Variants in CLMN observed in about 807,000 individuals in gnomAD.
CLMN encodes calmin, also known as calmin (calponin-like, transmembrane).
A neutral mutation model predicts 92.7 loss-of-function variants in CLMN; 57 were observed. The observed-to-expected ratio is 0.61, with a 90% CI of 0.50 to 0.77. The LOEUF is 0.77. CLMN is among the 30% of genes least tolerant of loss of function. The pLI, the probability that CLMN is intolerant of heterozygous loss-of-function variation, is 0.00. For synonymous variants in CLMN, 466 were observed against 470.6 expected, an observed-to-expected ratio of 0.99 and a Z score of 0.13; for missense variants, 1,158 against 1,237.5, an observed-to-expected ratio of 0.94 and a Z score of 0.96.
At position 95,265,449 on chromosome 14, in the gene CLMN, C is replaced by T. The variant is rs939223233; in HGVS notation, c.83-35316G>A. On this transcript the variant is annotated intron_variant, in intron 1 of 12. Transcript: ENST00000298912. ...TGACCTACCTTACTGACTTTGATCT[C>T]GCCAAACTCCACAATTGCATAAACC... Among the ~76,000 whole-genome samples, 9 of 152,168 alleles carry T rather than the reference C, an allele frequency of 5.9e-5. 1 individual carries two copies. Among genetic ancestry groups the T allele is most frequent in the African/African-American group, 9.7e-5 (4 of 41,434 alleles).
rs5810715 is a variant in CLMN at position 95,204,467 on chromosome 14, C to CAA, written c.886-6_886-5dup. 1.3e-3 allele frequency: 1,780 copies of CAA among 1,376,206 alleles called. 1 individual carries two copies. Among genetic ancestry groups the CAA allele is most frequent in the African/African-American group, 0.012 (768 of 66,002 alleles). 85.2% of individuals were successfully genotyped at this position (1,376,206 alleles called of 1,614,324 possible). A position where few individuals can be genotyped will look rare whatever the true frequency, so the allele number is the denominator to read the frequency against. On this transcript the variant is annotated splice_region_variant and splice_polypyrimidine_tract_variant and intron_variant, in intron 8 of 12. Coordinates refer to ENST00000298912, the MANE Select transcript of CLMN (RefSeq NM_024734.4). Reference sequence around the variant, plus strand: ...TATCTGAATCGAAAATATCTTCCTGCAAAAAAAAACAAAAACAAACAAACA... The same window carrying CAA: ...TATCTGAATCGAAAATATCTTCCTGCAAAAAAAAAAACAAAAACAAACAAACA...
chr14:95,232,958 A>G (rs1054085187), intron 1 of CLMN, among the ~76,000 whole-genome samples: 2 of 152,188 alleles, frequency 1.3e-5, no homozygotes, highest in African/African-American at 4.8e-5. Flanking sequence ...ATATGAATAT[A>G]TTTCTTACCC....
chr14:95,313,607 T>C (rs1428740189), intron 1 of CLMN, among the ~76,000 whole-genome samples: 1 of 151,770 alleles, frequency 6.6e-6, no homozygotes, highest in Non-Finnish European at 1.5e-5. Flanking sequence ...CTCTAATTCC[T>C]TCTGTGACTA....
At chr14:95,300,093 C>T (rs748505513) in intron 1 of CLMN, among the ~76,000 whole-genome samples, 37 of 152,226 alleles carry the variant, frequency 2.4e-4, no homozygotes, top group Non-Finnish European at 3.8e-4. Flanking sequence ...AGCAGCCTCC[C>T]GTCTCCCACT....
intron 4 of CLMN, among the ~76,000 whole-genome samples, chr14:95,216,132 C>T (rs927836397): frequency 6.6e-6 from 1 of 152,126 alleles, no homozygotes; most frequent in Non-Finnish European, 1.5e-5. Context: ...GTTGGAGAGG[C>T]CTCACAATCA....
intron 1 of CLMN, among the ~76,000 whole-genome samples, chr14:95,279,884 A>G: frequency 6.6e-6 from 1 of 152,264 alleles, no homozygotes. Context: ...TATTGAGACG[A>G]CTAAAGAAAC....
chr14:95,191,559 A>G lies in CLMN; in HGVS notation c.*5T>C, dbSNP rs1340671413. 8.7e-6 allele frequency: 14 copies of G among 1,608,790 alleles called. No homozygotes were observed. Among genetic ancestry groups the G allele is most frequent in the Non-Finnish European group, 1.2e-5 (14 of 1,177,706 alleles). On this transcript the variant is annotated 3_prime_UTR_variant, in exon 13 of 13. Coordinates refer to ENST00000298912, the MANE Select transcript of CLMN (RefSeq NM_024734.4). The surrounding 1 kb of genome is among the most constrained non-coding windows in gnomAD (Gnocchi z 5.3). ...CCTGTCTTTTTTATTATCCAGACAC[A>G]CGTATCAGAGCCTGCTAACATCCAG...
At chr14:95,215,500 T>C in intron 5 of CLMN, 141 bp downstream of exon 5, 1 of 679,238 alleles carries the variant, frequency 1.5e-6, no homozygotes, top group Non-Finnish European at 2.5e-6. Context: ...ATTCTTCTAG[T>C]GCTTTTTCAG....
chr14:95,300,187 A>C (rs1213080164), intron 1 of CLMN, among the ~76,000 whole-genome samples: 1 of 152,196 alleles, frequency 6.6e-6, no homozygotes, highest in Non-Finnish European at 1.5e-5. Flanking sequence ...AGGCTCCCAG[A>C]GGTGGCTGAG....
chr14:95,293,874 C>T (rs914993760), intron 1 of CLMN, among the ~76,000 whole-genome samples: 19 of 152,264 alleles, frequency 1.2e-4, no homozygotes, highest in African/African-American at 3.6e-4. Flanking sequence ...CTACGTGGTA[C>T]GGAATGAGGC....
chr14:95,191,457 G>T lies in CLMN; in HGVS notation c.*107C>A. 1.3e-6 allele frequency: 1 copy of T among 767,784 alleles called. No homozygotes were observed. The highest frequency in any genetic ancestry group is 1.9e-6 in the Non-Finnish European group (1 of 532,636). 47.6% of individuals were successfully genotyped at this position (767,784 alleles called of 1,614,324 possible). A position where few individuals can be genotyped will look rare whatever the true frequency, so the allele number is the denominator to read the frequency against. ...GAGAAAGGGGGTCTAAGTTTCCTCG[G>T]AGGTCCTCAACTGTCTGTAGAAGTG... On this transcript the variant is annotated 3_prime_UTR_variant, in exon 13 of 13. Transcript: ENST00000298912. The surrounding 1 kb of genome is among the most constrained non-coding windows in gnomAD (Gnocchi z 5.3).
In CLMN at chr14:95,276,158, A is replaced by C. The variant is rs548459236; in HGVS notation, c.82+43553T>G. 1.2e-4 allele frequency among the ~76,000 whole-genome samples: 18 copies of C among 152,282 alleles called. No homozygotes were observed. In the East Asian group the frequency reaches 3.3e-3, roughly 28 times the overall value. On this transcript the variant is annotated intron_variant, in intron 1 of 12. Coordinates refer to ENST00000298912, the MANE Select transcript of CLMN (RefSeq NM_024734.4). ...TCAAAGGAAATCAACTGCAGTCCCA[A>C]TTAGCCAACTTTGGGTAAGTGTTTG...
Position 95,187,258 on chromosome 14 carries a change from C to T in CLMN, c.*4306G>A, listed in dbSNP as rs1450981400. On this transcript the variant is annotated 3_prime_UTR_variant, in exon 13 of 13. Coordinates refer to ENST00000298912, the MANE Select transcript of CLMN (RefSeq NM_024734.4). ...ACTGAACACATGAGCCTGTTTCTTC[C>T]CTCATGAAACCCCATGAAAATAGGA... 1.3e-5 allele frequency: 2 copies of T among 152,214 alleles called. No individual in the cohort carries two copies. Among genetic ancestry groups the T allele is most frequent in the African/African-American group, 4.8e-5 (2 of 41,438 alleles). 9.4% of individuals were successfully genotyped at this position (152,214 alleles called of 1,614,324 possible).
chr14:95,229,080 G>T (rs1897801489), intron 2 of CLMN, among the ~76,000 whole-genome samples: 2 of 152,234 alleles, frequency 1.3e-5, no homozygotes, highest in South Asian at 4.1e-4. Context: ...GATATAGATG[G>T]AGAACCAGAT....
intron 12 of CLMN, chr14:95,193,457 G>A: frequency 7.9e-7 from 1 of 1,273,496 alleles, no homozygotes; most frequent in South Asian, 1.3e-5. Context: ...AGGGGCTACA[G>A]CATTCACAGG....
chr14:95,300,899 A>C (rs1901024634), intron 1 of CLMN, among the ~76,000 whole-genome samples: 1 of 152,206 alleles, frequency 6.6e-6, no homozygotes, highest in Admixed American at 6.5e-5. Context: ...ACGCTCAATA[A>C]ATATTTGTAG....
intron 1 of CLMN, among the ~76,000 whole-genome samples, chr14:95,288,408 G>C (rs1428207141): frequency 1.3e-5 from 2 of 152,238 alleles, no homozygotes; most frequent in Non-Finnish European, 2.9e-5. Flanking sequence ...GGAAGGAACA[G>C]TGCGCTAGGC....
intron 1 of CLMN, among the ~76,000 whole-genome samples, chr14:95,245,261 A>ATATATTATATATATATATAT (rs1898495338): frequency 2.4e-5 from 1 of 42,422 alleles, no homozygotes; most frequent in African/African-American, 1.4e-4. Context: ...TATAATATAT[A>ATATATTATATATATATATAT]TATATATATT....
intron 1 of CLMN, among the ~76,000 whole-genome samples, chr14:95,254,034 C>T (rs575748062): frequency 2.0e-5 from 3 of 152,262 alleles, no homozygotes; most frequent in East Asian, 1.9e-4. Context: ...TGGGCAGATC[C>T]GAGAACCCCT....
Sources: gnomAD v4.1 joint callset for allele counts (sites outside exome capture counted in the v4.1 genomes callset) on GRCh38, gnomAD v4.1.1 for gene constraint, Gnocchi (gnomAD v3.1) non-coding constraint, MANE v1.5 for transcripts, NCBI Gene and HGNC (gene_info 2026-07-23, HGNC 2026-07-21) for gene names.